The following GJC1 variants were observed in gnomAD, a reference collection of about 807,000 sequenced individuals.
The protein encoded by GJC1 is gap junction gamma-1 protein.
GJC1 carries 5 observed loss-of-function variants against 29.3 expected under a neutral mutation model. The observed-to-expected ratio is 0.17, with a 90% CI of 0.09 to 0.36. The LOEUF is 0.36. Among genes scored for constraint, GJC1 ranks in the 10% least tolerant of loss-of-function variants. The probability of loss-of-function intolerance (pLI) is 1.00; values close to 1 mark genes in which losing one functional copy is unlikely to be tolerated. For missense variants in GJC1, 310 were observed against 496.2 expected (o/e 0.62, Z 3.56); for synonymous variants, 177 against 183.3 (o/e 0.97, Z 0.28).
chr17:44,829,006 G>A (rs948484745), intron 1 of GJC1, among the ~76,000 whole-genome samples: 2 of 150,424 alleles, frequency 1.3e-5, no homozygotes, highest in Non-Finnish European at 3.0e-5. Flanking sequence ...TCACTTGAAC[G>A]TATACACGAC....
At chr17:44,797,078 C>T (rs939445264), downstream of GJC1, among the ~76,000 whole-genome samples, 2 of 151,970 alleles carry the variant, frequency 1.3e-5, no homozygotes, top group South Asian at 2.1e-4. Context: ...ATCTATATAT[C>T]GCTATCTCTC....
intron 1 of GJC1, among the ~76,000 whole-genome samples, chr17:44,816,654 C>G (rs941344804): frequency 7.2e-5 from 11 of 151,872 alleles, no homozygotes; most frequent in African/African-American, 2.7e-4. Context: ...TACAGGCACT[C>G]GCCACCAGGC....
At chr17:44,796,941 C>T (rs921609450), downstream of GJC1, among the ~76,000 whole-genome samples, 3 of 151,964 alleles carry the variant, frequency 2.0e-5, no homozygotes, top group Non-Finnish European at 4.4e-5. Flanking sequence ...TCCACCTTGG[C>T]GGTCAACCGA....
chr17:44,829,856 G>T (rs1325695583), intron 1 of GJC1, among the ~76,000 whole-genome samples: 1 of 152,042 alleles, frequency 6.6e-6, no homozygotes, highest in Admixed American at 6.5e-5. Context: ...GACAGTGGCA[G>T]GACGCGGGCC....
upstream of GJC1, chr17:44,830,750 C>A (rs2050224657): frequency 7.5e-6 from 3 of 398,552 alleles, no homozygotes; most frequent in Non-Finnish European, 1.3e-5. This position sits in a 1 kb window ranked among gnomAD's most constrained non-coding sequence, Gnocchi z 4.3. Context: ...TTCTGCTCTA[C>A]AATTCCTCGA....
Position 44,805,191 on chromosome 17 carries a change from G to A in GJC1, c.627C>T (p.Cys209=). 6.2e-7 allele frequency: 1 copy of A among 1,614,132 alleles called. No homozygotes were observed. The highest frequency in any genetic ancestry group is 8.5e-7 in the Non-Finnish European group (1 of 1,180,016). ...YGFQVHPFYV[C]SRLPCPHKID... is the part of the protein sequence containing the mutation. ...TCTTATGAGGACAAGGAAGTCTGCT[G>A]CACACATAAAACGGGTGGACTTGGA... The change falls in exon 3 of 3, where the codon TGC becomes TGT. Residue 209 remains cysteine, a synonymous_variant. Transcript: ENST00000592524. The surrounding 1 kb of genome is among the most constrained non-coding windows in gnomAD (Gnocchi z 5.1).
At chr17:44,806,485 C>T (rs1398755792) in intron 2 of GJC1, among the ~76,000 whole-genome samples, 5 of 150,878 alleles carry the variant, frequency 3.3e-5, no homozygotes, top group Non-Finnish European at 7.4e-5. Context: ...CTGCAACCTC[C>T]GCCTCCCAGG....
intron 1 of GJC1, among the ~76,000 whole-genome samples, chr17:44,821,371 G>A (rs537822274): frequency 6.6e-6 from 1 of 152,212 alleles, no homozygotes; most frequent in African/African-American, 2.4e-5. Context: ...ATATGACTAC[G>A]TTTATGATAC....
rs138031660 is a variant in GJC1, at chr17:44,799,935, A to C, written c.*4692T>G. The C allele has an allele frequency of 6.6e-6, 1 of 152,398 alleles. No homozygotes were observed. The highest frequency in any genetic ancestry group is 1.5e-5 in the Non-Finnish European group (1 of 68,064). The allele number at this position is 152,398 out of a possible 1,614,324, so 9.4% of individuals were successfully genotyped here. On this transcript the variant is annotated 3_prime_UTR_variant, in exon 3 of 3. Coordinates refer to ENST00000592524, the MANE Select transcript of GJC1 (RefSeq NM_005497.4). The stretch of plus-strand genomic sequence containing the variant: ...CCAAAAAACAAAACCAAACATCAAT[A>C]GAACTACATAGGGACAACAGCAAAT...
At position 44,806,397 on chromosome 17, in the gene GJC1, G is replaced by GTTT. The variant is rs1160736962; in HGVS notation, c.-20-563_-20-561dup. ...ATATTTCTCAGACCTTGGTTCTTCT[G>GTTT]TTTGTTTTTTTTTTTTTTTTTTGAG... On this transcript the variant is annotated intron_variant, in intron 2 of 2. Coordinates refer to ENST00000592524, the MANE Select transcript of GJC1 (RefSeq NM_005497.4). Among the ~76,000 whole-genome samples the GTTT allele has an allele frequency of 1.7e-3, 173 of 103,610 alleles. 1 individual carries two copies. Among genetic ancestry groups the GTTT allele is most frequent in the African/African-American group, 6.0e-3 (166 of 27,682 alleles). The allele number at this position is 103,610 out of a possible 152,430, so 68.0% of individuals were successfully genotyped here.
At position 44,805,972 on chromosome 17, in the gene GJC1, G is replaced by A. The variant is rs1209945105; in HGVS notation, c.-20-135C>T. ...CCTCAAGGTTCACAGTGGAACAAAT[G>A]TTAGAATAAACAGCATCTCAGTTGG... On this transcript the variant is annotated intron_variant, in intron 2 of 2. Coordinates refer to ENST00000592524, the MANE Select transcript of GJC1 (RefSeq NM_005497.4). The surrounding 1 kb of genome is among the most constrained non-coding windows in gnomAD (Gnocchi z 5.1). 6.8e-6 allele frequency: 4 copies of A among 588,874 alleles called. No individual in the cohort carries two copies. Among genetic ancestry groups the A allele is most frequent in the African/African-American group, 1.9e-5 (1 of 53,454 alleles). The allele number at this position is 588,874 out of a possible 1,614,324, so 36.5% of individuals were successfully genotyped here.
rs915973799 is a variant in GJC1, at chr17:44,827,329, C to G, written c.-97+2733G>C. On this transcript the variant is annotated intron_variant, in intron 1 of 2. Transcript: ENST00000592524. ...AGCCTGGGCAATAAGAGCTAAACTC[C>G]GTCTCAAAAACAAACAAACAAAAAA... 1.3e-5 allele frequency among the ~76,000 whole-genome samples: 2 copies of G among 151,384 alleles called. 1 individual carries two copies. The highest frequency in any genetic ancestry group is 4.2e-4 in the South Asian group (2 of 4,748).
chr17:44,799,358 A>G lies in GJC1; in HGVS notation c.*5269T>C, dbSNP rs2049814293. ...GTAGCTGGGATTACAGGTGTGCACC[A>G]CCATGCCCGGCTAATTTTTGTATTT... On this transcript the variant is annotated 3_prime_UTR_variant, in exon 3 of 3. Transcript: ENST00000592524. 1 of 151,442 alleles carries G rather than the reference A, an allele frequency of 6.6e-6. No homozygotes were observed. The highest frequency in any genetic ancestry group is 2.4e-5 in the African/African-American group (1 of 41,108). The allele number at this position is 151,442 out of a possible 1,614,324, so 9.4% of individuals were successfully genotyped here. A position where few individuals can be genotyped will look rare whatever the true frequency, so the allele number is the denominator to read the frequency against.
At chr17:44,818,806 G>A (rs533644225) in intron 1 of GJC1, among the ~76,000 whole-genome samples, 2 of 151,580 alleles carry the variant, frequency 1.3e-5, no homozygotes, top group East Asian at 2.0e-4. Flanking sequence ...CCATCTGGGG[G>A]TGTGGGGCGG....
chr17:44,803,283 C>G lies in GJC1; in HGVS notation c.*1344G>C, dbSNP rs2049873263. 6.6e-6 allele frequency: 1 copy of G among 152,104 alleles called. No individual in the cohort carries two copies. The highest frequency in any genetic ancestry group is 2.4e-5 in the African/African-American group (1 of 41,418). The allele number at this position is 152,104 out of a possible 1,614,324, so 9.4% of individuals were successfully genotyped here. A position where few individuals can be genotyped will look rare whatever the true frequency, so the allele number is the denominator to read the frequency against. Reference sequence around the variant, plus strand: ...TTTACCAAGCTCTTTCTCAGAAGCTCACAAAACTTAAGACAATGTGAACAT... The same window carrying G: ...TTTACCAAGCTCTTTCTCAGAAGCTGACAAAACTTAAGACAATGTGAACAT... On this transcript the variant is annotated 3_prime_UTR_variant, in exon 3 of 3. Transcript: ENST00000592524.
intron 1 of GJC1, among the ~76,000 whole-genome samples, chr17:44,823,300 TCAGTG>T (rs2050134011): frequency 6.8e-6 from 1 of 147,268 alleles, no homozygotes; most frequent in Non-Finnish European, 1.5e-5. Flanking sequence ...TCACCAGGCT[TCAGTG>T]CAGTGGTGTG....
In GJC1 at chr17:44,798,577, T is replaced by C. The variant is rs2049801875; in HGVS notation, c.*6050A>G. The C allele has an allele frequency of 6.6e-6, 1 of 152,222 alleles. No homozygotes were observed. Among genetic ancestry groups the C allele is most frequent in the South Asian group, 2.1e-4 (1 of 4,838 alleles). The allele number at this position is 152,222 out of a possible 1,614,324, so 9.4% of individuals were successfully genotyped here. ...GAACAAAATTAGCAATGAGTGATCT[T>C]TGGCACTAGAACAGGTGATTCCTTA... On this transcript the variant is annotated 3_prime_UTR_variant, in exon 3 of 3. Coordinates refer to ENST00000592524, the MANE Select transcript of GJC1 (RefSeq NM_005497.4).
At chr17:44,809,118 G>A (rs1293360309) in intron 1 of GJC1, among the ~76,000 whole-genome samples, 1 of 151,974 alleles carries the variant, frequency 6.6e-6, no homozygotes, top group Non-Finnish European at 1.5e-5. Context: ...GAATCCAGCT[G>A]GGCATGGTGG....
Position 44,804,555 on chromosome 17 carries a change from A to G in GJC1, c.*72T>C, listed in dbSNP as rs558035565. 1.3e-5 allele frequency: 15 copies of G among 1,174,146 alleles called. No homozygotes were observed. Among genetic ancestry groups the G allele is most frequent in the South Asian group, 7.1e-5 (5 of 70,614 alleles). The allele number at this position is 1,174,146 out of a possible 1,614,324, so 72.7% of individuals were successfully genotyped here. ...ATAACCAGAGCCAAATGTTTACTCA[A>G]TGGAAGTCATTATTCAGTGAGCTGC... is the stretch of plus-strand genomic sequence containing the variant. On this transcript the variant is annotated 3_prime_UTR_variant, in exon 3 of 3. Transcript: ENST00000592524.
Sources: allele counts gnomAD v4.1 joint callset (sites outside exome capture counted in the v4.1 genomes callset), GRCh38; gene constraint gnomAD v4.1.1; non-coding constraint Gnocchi (gnomAD v3.1); transcripts MANE v1.5; gene names NCBI Gene and HGNC (gene_info 2026-07-23, HGNC 2026-07-21).